KCNH7: variants seen among roughly 807,000 people sequenced by gnomAD.
The protein encoded by KCNH7 is voltage-gated inwardly rectifying potassium channel KCNH7.
A neutral mutation model predicts 120.8 loss-of-function variants in KCNH7; 49 were observed. The ratio of observed to expected loss-of-function variants is 0.41; its 90% CI spans 0.32 to 0.51. KCNH7 has a LOEUF of 0.51. Ranked by LOEUF, KCNH7 falls within the 20% of genes least tolerant of loss-of-function variation. The probability of loss-of-function intolerance (pLI) is 0.38; values close to 1 mark genes in which losing one functional copy is unlikely to be tolerated. For synonymous variants in KCNH7, 547 were observed against 516.1 expected, an observed-to-expected ratio of 1.06 and a Z score of -0.81; for missense variants, 1,097 against 1,446.6, an observed-to-expected ratio of 0.76 and a Z score of 3.92.
intron 2 of KCNH7, among the ~76,000 whole-genome samples, chr2:162,641,329 A>G (rs1684149391): frequency 6.6e-6 from 1 of 152,202 alleles, no homozygotes; most frequent in African/African-American, 2.4e-5. Context: ...CAACAATAAA[A>G]TGAACTACTG....
chr2:162,805,359 T>C (rs1042245321), intron 2 of KCNH7, among the ~76,000 whole-genome samples: 3 of 152,066 alleles, frequency 2.0e-5, no homozygotes, highest in Admixed American at 1.3e-4. Context: ...GTATCCAGAA[T>C]CTATAAGGAA....
chr2:162,539,246 T>C (rs554181277), intron 2 of KCNH7, among the ~76,000 whole-genome samples: 2 of 152,100 alleles, frequency 1.3e-5, no homozygotes, highest in Non-Finnish European at 2.9e-5. Flanking sequence ...GAGGAGATGC[T>C]AGAAATAGTC....
chr2:162,490,240 G>A (rs535799668), intron 6 of KCNH7, among the ~76,000 whole-genome samples: 2 of 152,336 alleles, frequency 1.3e-5, no homozygotes, highest in East Asian at 3.9e-4. Context: ...GTGCACTAGG[G>A]GGATTAGGTG....
At chr2:162,542,153 A>G (rs548801268) in intron 2 of KCNH7, among the ~76,000 whole-genome samples, 1 of 151,324 alleles carries the variant, frequency 6.6e-6, no homozygotes, top group East Asian at 1.9e-4. Flanking sequence ...ACTATTCTAT[A>G]TCTCTCTTTT....
intron 2 of KCNH7, among the ~76,000 whole-genome samples, chr2:162,658,551 A>G (rs545191985): frequency 7.9e-5 from 12 of 152,200 alleles, no homozygotes; most frequent in African/African-American, 2.9e-4. Flanking sequence ...TGGAATTTTG[A>G]TTGAGATTGT....
intron 6 of KCNH7, among the ~76,000 whole-genome samples, chr2:162,482,163 G>A (rs1330538247): frequency 6.6e-6 from 1 of 152,172 alleles, no homozygotes; most frequent in Non-Finnish European, 1.5e-5. Context: ...TGCAAGCTGG[G>A]GAGCCTATTA....
At chr2:162,759,935 A>T (rs970136310) in intron 2 of KCNH7, among the ~76,000 whole-genome samples, 1 of 152,152 alleles carries the variant, frequency 6.6e-6, no homozygotes, top group African/African-American at 2.4e-5. Flanking sequence ...TAAAACATTC[A>T]AAAGATACAA....
At chr2:162,441,366 A>G (rs1401019361) in intron 7 of KCNH7, among the ~76,000 whole-genome samples, 5 of 152,206 alleles carry the variant, frequency 3.3e-5, no homozygotes, top group Admixed American at 2.0e-4. Context: ...TTCACAATTC[A>G]TCTATCAGAC....
intron 9 of KCNH7, among the ~76,000 whole-genome samples, chr2:162,413,089 C>T (rs538618297): frequency 6.6e-6 from 1 of 152,010 alleles, no homozygotes; most frequent in South Asian, 2.1e-4. Context: ...CCTACCTTAC[C>T]AGATATTAAA....
intron 2 of KCNH7, among the ~76,000 whole-genome samples, chr2:162,633,995 C>T (rs1683855922): frequency 6.6e-6 from 1 of 151,878 alleles, no homozygotes; most frequent in African/African-American, 2.4e-5. Flanking sequence ...TAGATCCTTA[C>T]CATTTATTGT....
At chr2:162,773,212 G>T (rs1436025893) in intron 2 of KCNH7, among the ~76,000 whole-genome samples, 1 of 152,180 alleles carries the variant, frequency 6.6e-6, no homozygotes, top group East Asian at 1.9e-4. Flanking sequence ...TAGAGGCCGG[G>T]CATAGTAGTT....
intron 2 of KCNH7, among the ~76,000 whole-genome samples, chr2:162,777,825 C>A (rs1256383798): frequency 6.6e-6 from 1 of 152,020 alleles, no homozygotes. Context: ...TTTATTTGGT[C>A]CCTTGTGTGA....
At chr2:162,448,830 T>C (rs1375149743) in intron 6 of KCNH7, among the ~76,000 whole-genome samples, 1 of 151,916 alleles carries the variant, frequency 6.6e-6, no homozygotes, top group Non-Finnish European at 1.5e-5. Flanking sequence ...ATCTTGGAGT[T>C]TGTAGTCTGT....
intron 2 of KCNH7, among the ~76,000 whole-genome samples, chr2:162,575,264 A>C (rs1693631648): frequency 6.6e-6 from 1 of 152,088 alleles, no homozygotes; most frequent in African/African-American, 2.4e-5. Context: ...ATCAAGTAGA[A>C]TAATTGGCCT....
At chr2:162,827,330 CCTGA>C (rs1466171901) in intron 2 of KCNH7, among the ~76,000 whole-genome samples, 2 of 152,060 alleles carry the variant, frequency 1.3e-5, no homozygotes, top group Non-Finnish European at 2.9e-5. Flanking sequence ...GAATTTTCTA[CCTGA>C]CTATGTGGAT....
At chr2:162,472,565 C>T (rs929274010) in intron 6 of KCNH7, among the ~76,000 whole-genome samples, 1 of 151,738 alleles carries the variant, frequency 6.6e-6, no homozygotes, top group Non-Finnish European at 1.5e-5. Context: ...CTTAGAATGG[C>T]AATCATTAAA....
intron 8 of KCNH7, among the ~76,000 whole-genome samples, chr2:162,428,312 G>A (rs1687933772): frequency 6.6e-6 from 1 of 151,702 alleles, no homozygotes; most frequent in Non-Finnish European, 1.5e-5. Flanking sequence ...ACATCTATCA[G>A]TTTTTTCTCC....
intron 2 of KCNH7, among the ~76,000 whole-genome samples, chr2:162,563,896 T>C (rs867658485): frequency 2.6e-5 from 4 of 152,162 alleles, no homozygotes; most frequent in African/African-American, 9.7e-5. Context: ...TGATTTATTG[T>C]GGCGTTATTT....
intron 2 of KCNH7, among the ~76,000 whole-genome samples, chr2:162,759,072 C>A (rs1035187858): frequency 6.6e-6 from 1 of 152,084 alleles, no homozygotes; most frequent in African/African-American, 2.4e-5. Context: ...GCCACTCTTT[C>A]CCAGATGGGT....
Sources: gnomAD v4.1 joint callset for allele counts (sites outside exome capture counted in the v4.1 genomes callset) on GRCh38, gnomAD v4.1.1 for gene constraint, MANE v1.5 for transcripts, NCBI Gene and HGNC (gene_info 2026-07-23, HGNC 2026-07-21) for gene names.